Variants in CDH12 observed in about 807,000 individuals in gnomAD.
CDH12 encodes cadherin 12.
A neutral mutation model predicts 74.1 loss-of-function variants in CDH12; 41 were observed. The observed-to-expected ratio is 0.55, with a 90% CI of 0.43 to 0.72. The LOEUF is 0.72. CDH12 is among the 30% of genes least tolerant of loss of function. CDH12 has a pLI of 0.00. For missense variants in CDH12, 945 were observed against 977.2 expected (o/e 0.97, Z 0.44); for synonymous variants, 399 against 355.0 (o/e 1.12, Z -1.39).
intron 4 of CDH12, among the ~76,000 whole-genome samples, chr5:22,191,428 T>G (rs989498847): frequency 2.0e-5 from 3 of 152,156 alleles, no homozygotes; most frequent in African/African-American, 7.2e-5. Flanking sequence ...ACTCTTAAAT[T>G]AATGAATGAT....
chr5:22,036,056 T>A (rs1271484019), intron 5 of CDH12, among the ~76,000 whole-genome samples: 1 of 152,200 alleles, frequency 6.6e-6, no homozygotes, highest in Admixed American at 6.5e-5. Flanking sequence ...GGCCATTAAC[T>A]GTCTTGTATT....
chr5:21,832,649 T>A (rs1002928641), intron 8 of CDH12, among the ~76,000 whole-genome samples: 2 of 149,944 alleles, frequency 1.3e-5, no homozygotes, highest in Admixed American at 1.4e-4. Flanking sequence ...CAATTTTGCA[T>A]GAATACAAAA....
intron 3 of CDH12, among the ~76,000 whole-genome samples, chr5:22,388,730 T>C (rs902828776): frequency 6.6e-6 from 1 of 152,190 alleles, no homozygotes; most frequent in Non-Finnish European, 1.5e-5. Flanking sequence ...TATCATCACA[T>C]AAATGTGAAA....
intron 5 of CDH12, among the ~76,000 whole-genome samples, chr5:21,991,751 A>G (rs1289158820): frequency 6.6e-6 from 1 of 151,254 alleles, no homozygotes; most frequent in Non-Finnish European, 1.5e-5. Context: ...TCCTTTCCTC[A>G]TTCTATAGTA....
chr5:22,208,395 G>T (rs1367447374), intron 4 of CDH12, among the ~76,000 whole-genome samples: 3 of 152,168 alleles, frequency 2.0e-5, no homozygotes, highest in African/African-American at 7.2e-5. Context: ...TTTTCTTCTT[G>T]TGCTTAGCTA....
chr5:22,465,550 G>C lies in CDH12; in HGVS notation c.-428+39720C>G, dbSNP rs537469950. ...AGTCCTAGCTACTTGGGAGGCTAAG[G>C]TAGGAGGATTGCTTGAGCCGAGGAG... On this transcript the variant is annotated intron_variant, in intron 2 of 14. Transcript: ENST00000382254. Among the ~76,000 whole-genome samples, 100 of 152,200 alleles carry C rather than the reference G, an allele frequency of 6.6e-4. 4 individuals are homozygous for C. In the South Asian group the frequency reaches 0.021, roughly 31 times the overall value.
At chr5:22,528,810 G>A (rs1737403298) in intron 1 of CDH12, among the ~76,000 whole-genome samples, 1 of 152,038 alleles carries the variant, frequency 6.6e-6, no homozygotes, top group African/African-American at 2.4e-5. Context: ...TTTATTGCCA[G>A]AGAACACCAT....
At chr5:22,736,490 G>T (rs947585503) in intron 1 of CDH12, among the ~76,000 whole-genome samples, 1 of 151,398 alleles carries the variant, frequency 6.6e-6, no homozygotes, top group African/African-American at 2.4e-5. Context: ...GCTGTTAATA[G>T]CATTCTTTAT....
intron 4 of CDH12, among the ~76,000 whole-genome samples, chr5:22,206,309 T>C (rs912338863): frequency 6.6e-6 from 1 of 152,164 alleles, no homozygotes; most frequent in Non-Finnish European, 1.5e-5. Flanking sequence ...CCAGATAACT[T>C]GCGTGCCTGT....
At chr5:22,059,893 C>T (rs530784919) in intron 5 of CDH12, among the ~76,000 whole-genome samples, 1 of 151,988 alleles carries the variant, frequency 6.6e-6, no homozygotes, top group South Asian at 2.1e-4. Context: ...AGGTTTATGC[C>T]AAACAATTAT....
At chr5:21,796,314 C>T (rs980823263) in intron 10 of CDH12, among the ~76,000 whole-genome samples, 9 of 152,020 alleles carry the variant, frequency 5.9e-5, no homozygotes, top group Non-Finnish European at 1.0e-4. Context: ...ACAAAATCAT[C>T]TAGCGCAAAG....
intron 1 of CDH12, among the ~76,000 whole-genome samples, chr5:22,780,649 C>A (rs1274963970): frequency 1.3e-5 from 2 of 152,080 alleles, no homozygotes; most frequent in Non-Finnish European, 2.9e-5. Flanking sequence ...AGGTCCCTCT[C>A]ACGATATGTG....
At chr5:22,795,551 T>C (rs1383586189) in intron 1 of CDH12, among the ~76,000 whole-genome samples, 1 of 151,408 alleles carries the variant, frequency 6.6e-6, no homozygotes, top group Non-Finnish European at 1.5e-5. Context: ...TACATACATA[T>C]AATATATACA....
chr5:22,298,107 GA>G, intron 3 of CDH12, among the ~76,000 whole-genome samples: 1 of 150,246 alleles, frequency 6.7e-6, no homozygotes, highest in East Asian at 2.0e-4. Flanking sequence ...GCCTAATGGA[GA>G]AAAATAAATA....
At chr5:22,202,376 G>T (rs1227427006) in intron 4 of CDH12, among the ~76,000 whole-genome samples, 1 of 152,016 alleles carries the variant, frequency 6.6e-6, no homozygotes, top group Non-Finnish European at 1.5e-5. Flanking sequence ...AGATAGGGTG[G>T]GTGATATTTT....
At chr5:22,820,788 C>G (rs1340325384) in intron 1 of CDH12, among the ~76,000 whole-genome samples, 1 of 152,068 alleles carries the variant, frequency 6.6e-6, no homozygotes, top group African/African-American at 2.4e-5. Context: ...AATTCACAGC[C>G]GAATTCTACC....
rs1339349622 is a variant in CDH12 at position 22,272,410 on chromosome 5, T to C, written c.-332-59767A>G. Among the ~76,000 whole-genome samples the C allele has an allele frequency of 2.0e-5, 3 of 152,228 alleles. No individual in the cohort carries two copies. The East Asian group carries it at 5.8e-4, about 29-fold the overall frequency. On this transcript the variant is annotated intron_variant, in intron 3 of 14. Coordinates refer to ENST00000382254, the MANE Select transcript of CDH12 (RefSeq NM_004061.5). Reference sequence around the variant, plus strand: ...ACTCAAACTTCCTCCCTATCAGCAGTAAAGCTGTTTCACTTTATTTTCATT... The same window carrying C: ...ACTCAAACTTCCTCCCTATCAGCAGCAAAGCTGTTTCACTTTATTTTCATT...
chr5:22,732,879 G>A (rs1744504819), intron 1 of CDH12, among the ~76,000 whole-genome samples: 1 of 151,860 alleles, frequency 6.6e-6, no homozygotes, highest in Admixed American at 6.6e-5. Flanking sequence ...AAGCCACCCA[G>A]TTTGTGGTAC....
chr5:22,786,627 A>T (rs1276010513), intron 1 of CDH12, among the ~76,000 whole-genome samples: 1 of 152,092 alleles, frequency 6.6e-6, no homozygotes, highest in Non-Finnish European at 1.5e-5. Context: ...GAACCTCATG[A>T]TGTGTGACAT....
Sources: allele counts gnomAD v4.1 joint callset (sites outside exome capture counted in the v4.1 genomes callset), GRCh38; gene constraint gnomAD v4.1.1; transcripts MANE v1.5; gene names NCBI Gene and HGNC (gene_info 2026-07-23, HGNC 2026-07-21).